The following PLCB4 variants were observed in gnomAD, a reference collection of about 807,000 sequenced individuals.
The protein encoded by PLCB4 is phospholipase C beta 4.
PLCB4 carries 77 observed loss-of-function variants against 178.8 expected under a neutral mutation model. That is an observed-to-expected ratio of 0.43 (90% confidence interval 0.36 to 0.52). The LOEUF (loss-of-function observed/expected upper bound fraction) is 0.52. PLCB4 is among the 20% of genes least tolerant of loss of function. PLCB4 has a pLI of 0.00. For synonymous variants in PLCB4, 496 were observed against 490.8 expected (o/e 1.01, Z -0.14); for missense variants, 1,024 against 1,453.4 (o/e 0.70, Z 4.80).
chr20:9,432,935 AC>A (rs1458954337), intron 28 of PLCB4, among the ~76,000 whole-genome samples: 1 of 152,242 alleles, frequency 6.6e-6, no homozygotes, highest in Non-Finnish European at 1.5e-5. Context: ...AGATGTCAGC[AC>A]CATCAGCACC....
intron 38 of PLCB4, among the ~76,000 whole-genome samples, chr20:9,475,639 C>T (rs1003053946): frequency 6.6e-6 from 1 of 152,168 alleles, no homozygotes; most frequent in Non-Finnish European, 1.5e-5. Context: ...AGAATTTGGA[C>T]TTGAGTTTCT....
At chr20:9,306,413 G>T (rs1425862107) in intron 3 of PLCB4, among the ~76,000 whole-genome samples, 1 of 152,014 alleles carries the variant, frequency 6.6e-6, no homozygotes, top group African/African-American at 2.4e-5. Context: ...ACTGAGCCCG[G>T]CGTGGTGTTG....
intron 30 of PLCB4, 123 bp downstream of exon 30, chr20:9,437,275 G>A: frequency 2.3e-6 from 2 of 863,800 alleles, no homozygotes; most frequent in South Asian, 4.1e-5. Flanking sequence ...CTTTTACATA[G>A]TGATGTTAAC....
intron 3 of PLCB4, among the ~76,000 whole-genome samples, chr20:9,263,368 C>T (rs2094317487): frequency 1.3e-5 from 2 of 152,178 alleles, no homozygotes; most frequent in South Asian, 4.1e-4. Context: ...CATGATCTTT[C>T]ACCATCACTG....
At chr20:9,301,450 C>G (rs2094702309) in intron 3 of PLCB4, among the ~76,000 whole-genome samples, 1 of 151,798 alleles carries the variant, frequency 6.6e-6, no homozygotes, top group East Asian at 1.9e-4. Flanking sequence ...GTGAGCAGCA[C>G]TGACTCTAAA....
At chr20:9,311,697 C>T (rs1472987231) in intron 4 of PLCB4, among the ~76,000 whole-genome samples, 1 of 152,190 alleles carries the variant, frequency 6.6e-6, no homozygotes, top group Non-Finnish European at 1.5e-5. Flanking sequence ...CCTTTCACCT[C>T]AAACTCTCCT....
intron 3 of PLCB4, among the ~76,000 whole-genome samples, chr20:9,247,631 A>G (rs913309127): frequency 2.0e-5 from 3 of 152,206 alleles, no homozygotes; most frequent in African/African-American, 4.8e-5. Context: ...AGTGTAGTCT[A>G]TGAATAATTC....
At chr20:9,104,156 C>G (rs915599772) in intron 2 of PLCB4, among the ~76,000 whole-genome samples, 1 of 152,150 alleles carries the variant, frequency 6.6e-6, no homozygotes, top group Non-Finnish European at 1.5e-5. Flanking sequence ...TGAGATGATT[C>G]ACCTACATGC....
chr20:9,290,450 C>G (rs13037337), intron 3 of PLCB4, among the ~76,000 whole-genome samples: 1 of 152,074 alleles, frequency 6.6e-6, no homozygotes, highest in African/African-American at 2.4e-5. Context: ...TTTCTATTGC[C>G]TCTGGGCCTT....
At chr20:9,275,868 T>C (rs1203725248) in intron 3 of PLCB4, among the ~76,000 whole-genome samples, 4 of 152,026 alleles carry the variant, frequency 2.6e-5, no homozygotes, top group African/African-American at 9.7e-5. Context: ...ATGACAAAAG[T>C]AAGGATAGGA....
At chr20:9,376,898 A>T (rs1388459411) in intron 12 of PLCB4, among the ~76,000 whole-genome samples, 2 of 152,122 alleles carry the variant, frequency 1.3e-5, no homozygotes, top group Non-Finnish European at 2.9e-5. Context: ...CACATATCAT[A>T]GGATCACATC....
chr20:9,248,032 G>A (rs1447913489), intron 3 of PLCB4, among the ~76,000 whole-genome samples: 1 of 152,054 alleles, frequency 6.6e-6, no homozygotes, highest in Non-Finnish European at 1.5e-5. Flanking sequence ...CAATGCATGT[G>A]TCCTGTCACA....
intron 4 of PLCB4, among the ~76,000 whole-genome samples, chr20:9,312,353 T>C (rs1182971388): frequency 1.4e-4 from 18 of 127,774 alleles, no homozygotes; most frequent in African/African-American, 3.4e-4. Flanking sequence ...CCTTCCACCC[T>C]ACACACACAC....
chr20:9,205,211 G>A (rs199581386), intron 2 of PLCB4, among the ~76,000 whole-genome samples: 8 of 152,282 alleles, frequency 5.3e-5, no homozygotes, highest in South Asian at 2.1e-4. Context: ...GTAAACAACC[G>A]TGAGATATTC....
At chr20:9,147,457 C>T (rs545377644) in intron 2 of PLCB4, among the ~76,000 whole-genome samples, 13 of 152,154 alleles carry the variant, frequency 8.5e-5, no homozygotes, top group South Asian at 4.1e-4. Context: ...CTGTAAGTTT[C>T]GGGGGGTTCA....
At chr20:9,458,592 C>A (rs1304772244) in intron 34 of PLCB4, among the ~76,000 whole-genome samples, 1 of 147,002 alleles carries the variant, frequency 6.8e-6, no homozygotes, top group East Asian at 1.9e-4. Flanking sequence ...GGCGTATGGC[C>A]TTACTTATGT....
chr20:9,116,560 A>G (rs1301852906), intron 2 of PLCB4, among the ~76,000 whole-genome samples: 1 of 152,224 alleles, frequency 6.6e-6, no homozygotes, highest in East Asian at 1.9e-4. Flanking sequence ...GAATTGGTGC[A>G]GACATCTGCC....
chr20:9,177,383 T>A (rs113670026), intron 2 of PLCB4, among the ~76,000 whole-genome samples: 127 of 152,334 alleles, frequency 8.3e-4, no homozygotes, highest in Middle Eastern at 6.8e-3. Flanking sequence ...ACTACTGCTG[T>A]TAATTTGTGT....
intron 2 of PLCB4, among the ~76,000 whole-genome samples, chr20:9,167,044 T>C (rs1465870976): frequency 1.3e-5 from 2 of 152,214 alleles, no homozygotes; most frequent in Non-Finnish European, 2.9e-5. Context: ...TATCTCTTTT[T>C]ATAAAATTTT....
Sources: allele counts gnomAD v4.1 joint callset (sites outside exome capture counted in the v4.1 genomes callset), GRCh38; gene constraint gnomAD v4.1.1; transcripts MANE v1.5; gene names NCBI Gene and HGNC (gene_info 2026-07-23, HGNC 2026-07-21).